STMND1: variants seen among roughly 807,000 people sequenced by gnomAD.
STMND1 encodes the protein stathmin domain-containing protein 1.
Under a neutral mutation model 23.0 loss-of-function variants are expected in STMND1, and 17 were observed. The ratio of observed to expected loss-of-function variants is 0.74; its 90% confidence interval spans 0.51 to 1.11. The LOEUF is 1.11. STMND1 is among the 50% of genes least tolerant of loss of function. STMND1 has a pLI of 0.00. For missense variants in STMND1, 305 were observed against 329.1 expected (o/e 0.93, Z 0.57); for synonymous variants, 114 against 119.9 (o/e 0.95, Z 0.32).
intron 3 of STMND1, among the ~76,000 whole-genome samples, chr6:17,124,278 T>A (rs1025110155): frequency 2.0e-5 from 3 of 152,218 alleles, no homozygotes; most frequent in Non-Finnish European, 1.5e-5. Flanking sequence ...ACTTTGAGTC[T>A]CATGCTCTAC....
At chr6:17,105,487 A>C (rs1481212614) in intron 1 of STMND1, among the ~76,000 whole-genome samples, 1 of 151,986 alleles carries the variant, frequency 6.6e-6, no homozygotes, top group Admixed American at 6.6e-5. Context: ...CTCTACTAAA[A>C]ATAAAAAATT....
At chr6:17,117,634 T>G (rs1054755496) in intron 2 of STMND1, among the ~76,000 whole-genome samples, 1 of 151,982 alleles carries the variant, frequency 6.6e-6, no homozygotes, top group Non-Finnish European at 1.5e-5. Context: ...TTGGGTTTGT[T>G]TGAGCTTTCC....
At chr6:17,111,858 C>T (rs928710635) in intron 1 of STMND1, among the ~76,000 whole-genome samples, 2 of 152,130 alleles carry the variant, frequency 1.3e-5, no homozygotes, top group Admixed American at 6.6e-5. Context: ...GAGGGCTGCC[C>T]TTCTGTGTCC....
chr6:17,124,982 C>G (rs1012937823), intron 3 of STMND1, among the ~76,000 whole-genome samples: 3 of 150,004 alleles, frequency 2.0e-5, no homozygotes, highest in Admixed American at 6.7e-5. Context: ...CTGGGTGAAA[C>G]AGCGAGACCC....
intron 4 of STMND1, 51 bp from the exon 5 acceptor site, chr6:17,130,541 AAC>A: frequency 7.4e-7 from 1 of 1,358,304 alleles, no homozygotes; most frequent in Non-Finnish European, 9.8e-7. Flanking sequence ...CATTAATCAC[AAC>A]TTGGAGAAAG....
chr6:17,125,126 G>A (rs1437544511), intron 3 of STMND1, among the ~76,000 whole-genome samples: 1 of 148,762 alleles, frequency 6.7e-6, no homozygotes, highest in Non-Finnish European at 1.5e-5. Flanking sequence ...AGACCAGCCT[G>A]GGCAACATGG....
chr6:17,126,255 C>G (rs1266168260), intron 3 of STMND1, among the ~76,000 whole-genome samples: 1 of 151,132 alleles, frequency 6.6e-6, no homozygotes. Context: ...TTGATAAATT[C>G]TGACTTCATA....
intron 2 of STMND1, among the ~76,000 whole-genome samples, chr6:17,119,010 G>A (rs1761194027): frequency 6.6e-6 from 1 of 152,066 alleles, no homozygotes; most frequent in Non-Finnish European, 1.5e-5. Flanking sequence ...TTCCAGACAA[G>A]GCCACCTTCT....
chr6:17,119,073 T>C (rs75380117), intron 2 of STMND1, among the ~76,000 whole-genome samples: 125 of 152,262 alleles, frequency 8.2e-4, no homozygotes, highest in African/African-American at 2.8e-3. Flanking sequence ...GACCTTTTCA[T>C]TGAAATCTTC....
chr6:17,114,956 T>A lies in STMND1; in HGVS notation c.82-6T>A. ...TGACTCTAACAAAACTGTTCCCTTT[T>A]CACAGGCTGATGTCAGTGTGCCTCA... On this transcript the variant is annotated splice_polypyrimidine_tract_variant and splice_region_variant and intron_variant, in intron 1 of 4. Transcript: ENST00000536551. The A allele has an allele frequency of 6.6e-7, 1 of 1,504,698 alleles. No individual in the cohort carries two copies. The highest frequency in any genetic ancestry group is 8.8e-7 in the Non-Finnish European group (1 of 1,135,146). 93.2% of individuals were successfully genotyped at this position (1,504,698 alleles called of 1,614,324 possible).
intron 1 of STMND1, among the ~76,000 whole-genome samples, chr6:17,112,863 A>T (rs1980738): frequency 0.88 from 134,024 of 152,246 alleles, 59,198 homozygotes; most frequent in Middle Eastern, 0.94. Context: ...TTTTCTAAAG[A>T]GCTGCACCAT....
intron 1 of STMND1, among the ~76,000 whole-genome samples, chr6:17,112,144 A>G (rs1761103875): frequency 6.6e-6 from 1 of 152,150 alleles, no homozygotes; most frequent in Admixed American, 6.5e-5. Context: ...TTGATAGTCA[A>G]TCCTCGTTCC....
intron 3 of STMND1, among the ~76,000 whole-genome samples, chr6:17,126,054 A>T (rs558742941): frequency 8.3e-5 from 2 of 24,090 alleles, no homozygotes; most frequent in East Asian, 1.5e-3. Context: ...ATATATATAT[A>T]TATATATATA....
intron 3 of STMND1, among the ~76,000 whole-genome samples, chr6:17,125,964 G>C (rs1191091009): frequency 7.3e-6 from 1 of 136,960 alleles, no homozygotes; most frequent in Non-Finnish European, 1.5e-5. Context: ...TCTGTAGGTT[G>C]ATTTTGTTGT....
At chr6:17,115,198 C>A (rs1279237278) in intron 2 of STMND1, 59 bp downstream of exon 2, 17 of 1,450,890 alleles carry the variant, frequency 1.2e-5, no homozygotes, top group Non-Finnish European at 1.5e-5. Flanking sequence ...TCTCTAAATA[C>A]GTTTACAAGG....
At chr6:17,117,314 C>A (rs1761174391) in intron 2 of STMND1, among the ~76,000 whole-genome samples, 1 of 152,188 alleles carries the variant, frequency 6.6e-6, no homozygotes, top group African/African-American at 2.4e-5. Context: ...GGTGCTCCTC[C>A]CGCCTTGGCC....
intron 4 of STMND1, among the ~76,000 whole-genome samples, chr6:17,129,541 TAA>T (rs57864358): frequency 3.5e-4 from 46 of 130,784 alleles, no homozygotes; most frequent in African/African-American, 8.4e-4. Context: ...GAGGCTGATT[TAA>T]AAAAAAAAAA....
At position 17,106,406 on chromosome 6, in the gene STMND1, G is replaced by A. The variant is rs1761025809; in HGVS notation, c.81+4068G>A. ...TTACTACACTGCCTGATACTGATCA[G>A]GCACTAATGAATCTTTCTTGAGCAA... On this transcript the variant is annotated intron_variant, in intron 1 of 4. Coordinates refer to ENST00000536551, the MANE Select transcript of STMND1 (RefSeq NM_001190766.2). Among the ~76,000 whole-genome samples the A allele has an allele frequency of 2.0e-5, 3 of 152,230 alleles. No individual in the cohort carries two copies. In the South Asian group the frequency reaches 6.2e-4, roughly 32 times the overall value.
intron 4 of STMND1, among the ~76,000 whole-genome samples, chr6:17,129,647 A>G (rs1226449590): frequency 6.6e-6 from 1 of 152,056 alleles, no homozygotes; most frequent in South Asian, 2.1e-4. Flanking sequence ...GATTGAGACC[A>G]TCCTGGCTAA....
Sources: allele counts gnomAD v4.1 joint callset (sites outside exome capture counted in the v4.1 genomes callset), GRCh38; gene constraint gnomAD v4.1.1; transcripts MANE v1.5; gene names NCBI Gene and HGNC (gene_info 2026-07-23, HGNC 2026-07-21).